MEPE: variants seen among roughly 807,000 people sequenced by gnomAD.
MEPE encodes the protein matrix extracellular phosphoglycoprotein.
In MEPE, 7 loss-of-function variants were observed where a neutral mutation model predicts 7.3. That is an observed-to-expected ratio of 0.95 (90% CI 0.54 to 1.79). The LOEUF (loss-of-function observed/expected upper bound fraction) is 1.79, where lower values mean the gene tolerates loss of function less well. Among genes scored for constraint, MEPE ranks in the 40% most tolerant of loss-of-function variants. The pLI, the probability that MEPE is intolerant of heterozygous loss-of-function variation, is 0.00. For synonymous variants in MEPE, 214 were observed against 213.1 expected, an observed-to-expected ratio of 1.00 and a Z score of -0.04; for missense variants, 623 against 628.2, an observed-to-expected ratio of 0.99 and a Z score of 0.09.
At chr4:87,838,567 G>T in intron 2 of MEPE, 65 bp from the exon 3 acceptor site, 1 of 1,404,314 alleles carries the variant, frequency 7.1e-7, no homozygotes. Context: ...TGAAACATTT[G>T]TTTGAAGAAG....
At chr4:87,843,068 TAG>T (rs1476396516) in intron 3 of MEPE, among the ~76,000 whole-genome samples, 20 of 152,216 alleles carry the variant, frequency 1.3e-4, no homozygotes, top group Non-Finnish European at 2.9e-4. Flanking sequence ...CAGTCCATTT[TAG>T]TTATTAAGGC....
At chr4:87,825,561 C>A (rs929748700) in intron 1 of MEPE, among the ~76,000 whole-genome samples, 3 of 152,230 alleles carry the variant, frequency 2.0e-5, no homozygotes, top group African/African-American at 7.2e-5. Context: ...TTTTGACGAA[C>A]AAGTGGAGAG....
rs1471335692 is a variant in MEPE, at chr4:87,834,688, G to C, written c.-12-15G>C. 2 of 1,607,630 alleles carry C rather than the reference G, an allele frequency of 1.2e-6. No individual in the cohort carries two copies. The highest frequency in any genetic ancestry group is 1.3e-5 in the African/African-American group (1 of 74,672). ...TGGCAATGCTTTGTGGTAAGATATTGTTGTCTTTTTACAGAGATTCTCAAA... is the reference window on the plus strand; with the variant it reads ...TGGCAATGCTTTGTGGTAAGATATTCTTGTCTTTTTACAGAGATTCTCAAA... On this transcript the variant is annotated splice_polypyrimidine_tract_variant and intron_variant, in intron 1 of 3. Coordinates refer to ENST00000361056, the MANE Select transcript of MEPE (RefSeq NM_020203.6).
intron 2 of MEPE, among the ~76,000 whole-genome samples, chr4:87,838,164 A>G (rs1042242616): frequency 7.9e-5 from 12 of 152,202 alleles, no homozygotes; most frequent in Admixed American, 4.6e-4. Context: ...CAGCAGCATC[A>G]TATCTTAATT....
upstream of MEPE, among the ~76,000 whole-genome samples, chr4:87,829,212 C>A (rs988052221): frequency 6.6e-6 from 1 of 151,930 alleles, no homozygotes; most frequent in Non-Finnish European, 1.5e-5. Context: ...AATAGGCTCT[C>A]ATTTTTTTTT....
rs75514522 is a variant in MEPE at position 87,846,250 on chromosome 4, A to C, written c.1382A>C (p.Asn461Thr). The C allele has an allele frequency of 1.5e-4, 249 of 1,614,102 alleles. 2 individuals carry two copies. The East Asian group carries it at 5.1e-3, about 33-fold the overall frequency. The change falls in exon 4 of 4, where the codon AAT (asparagine) becomes ACT (threonine). Residue 461 changes from asparagine to threonine, a missense_variant. Transcript: ENST00000361056. ...MDSFNGPSHE[N>T]IITHGRKYHY... ...TCCTTTAATGGCCCCAGTCATGAGA[A>C]TATAATAACACATGGCAGAAAATAT... is the stretch of plus-strand genomic sequence containing the variant.
Position 87,834,762 on chromosome 4 carries a change from A to G in MEPE, c.48A>G (p.Ala16=), listed in dbSNP as rs1205857093. 6.2e-7 allele frequency: 1 copy of G among 1,611,016 alleles called. No homozygotes were observed. Among genetic ancestry groups the G allele is most frequent in the Non-Finnish European group, 8.5e-7 (1 of 1,178,750 alleles). ...VGLLLFSVTW[A]APTFQPQTEK... is the part of the protein sequence containing the mutation. ...TACTCCTTTTCAGTGTGACCTGGGCAGCACCAGTAAGTATTTACAAATTCA... is the reference window on the plus strand; with the variant it reads ...TACTCCTTTTCAGTGTGACCTGGGCGGCACCAGTAAGTATTTACAAATTCA... Residue 16 remains alanine (A), a synonymous_variant, in exon 2 of 4, where the codon GCA becomes GCG. Transcript: ENST00000361056.
chr4:87,822,479 C>A (rs761355438), intron 1 of MEPE, among the ~76,000 whole-genome samples: 1 of 152,184 alleles, frequency 6.6e-6, no homozygotes, highest in East Asian at 1.9e-4. Flanking sequence ...ACACACCACA[C>A]TTCCACAGAT....
chr4:87,826,557 G>A (rs567376603), intron 1 of MEPE, among the ~76,000 whole-genome samples: 1 of 152,166 alleles, frequency 6.6e-6, no homozygotes, highest in South Asian at 2.1e-4. Context: ...GGTCTTTGAG[G>A]AATTGCCACA....
chr4:87,840,264 A>C (rs58720415), intron 3 of MEPE, among the ~76,000 whole-genome samples: 3,796 of 152,272 alleles, frequency 0.025, 176 homozygotes, highest in African/African-American at 0.086. Flanking sequence ...GGTTGCTCAG[A>C]AGTAAAAGAA....
At position 87,826,212 on chromosome 4, in the gene MEPE, A is replaced by G. The variant is rs144070999; in HGVS notation, c.-13+4741A>G. Among the ~76,000 whole-genome samples, 695 of 140,220 alleles carry G rather than the reference A, an allele frequency of 5.0e-3. 6 individuals carry two copies. The Middle Eastern group carries it at 0.056, about 11-fold the overall frequency. 92.0% of individuals were successfully genotyped at this position (140,220 alleles called of 152,430 possible). On this transcript the variant is annotated intron_variant, in intron 1 of 3. Transcript: ENST00000424957. ...GTTTCTTTATAATAGAATGCTTTAT[A>G]TTCTTTATATTCTTTTTTTTTTTTT...
intron 3 of MEPE, among the ~76,000 whole-genome samples, chr4:87,841,394 T>G (rs1012122379): frequency 2.6e-5 from 4 of 152,200 alleles, no homozygotes; most frequent in African/African-American, 9.6e-5. Flanking sequence ...TTATTTCTAT[T>G]TTTTTCTTAT....
rs114964843 is a variant in MEPE, at chr4:87,833,757, A to C, written c.-13+743A>C. On this transcript the variant is annotated intron_variant, in intron 1 of 3. Coordinates refer to ENST00000361056, the MANE Select transcript of MEPE (RefSeq NM_020203.6). ...AGTTCCTGTTGGTATATTTACCAAA[A>C]TATAAACAAATACCTTTATTTGTAA... 8.3e-3 allele frequency among the ~76,000 whole-genome samples: 1,259 copies of C among 152,326 alleles called. 8 individuals are homozygous for C. Among genetic ancestry groups the C allele is most frequent in the Middle Eastern group, 0.017 (5 of 294 alleles).
chr4:87,844,209 A>C (rs1723119612), intron 3 of MEPE, among the ~76,000 whole-genome samples: 1 of 152,146 alleles, frequency 6.6e-6, no homozygotes, highest in Non-Finnish European at 1.5e-5. Flanking sequence ...TATGCTACAG[A>C]GAAATAGCGA....
chr4:87,821,861 T>A (rs1722345207), intron 1 of MEPE, among the ~76,000 whole-genome samples: 1 of 152,036 alleles, frequency 6.6e-6, no homozygotes, highest in Admixed American at 6.6e-5. Context: ...CTGAGCACCA[T>A]AAAGCTGCAG....
At chr4:87,833,586 A>G (rs1052994897) in intron 1 of MEPE, among the ~76,000 whole-genome samples, 1 of 152,120 alleles carries the variant, frequency 6.6e-6, no homozygotes. Flanking sequence ...GAATATTTAG[A>G]TTATTTTTTC....
Position 87,846,024 on chromosome 4 carries a change from G to A in MEPE, c.1156G>A (p.Gly386Ser). 6.2e-7 allele frequency: 1 copy of A among 1,613,962 alleles called. No homozygotes were observed. Among genetic ancestry groups the A allele is most frequent in the Admixed American group, 1.7e-5 (1 of 59,960 alleles). The change falls in exon 4 of 4, where the codon GGC (glycine) becomes AGC (serine). Residue 386 changes from glycine to serine, a missense_variant. Transcript: ENST00000361056. ...ACCCTCAAAAGAGAAAAGAAAAGAA[G>A]GCAGTAGTGATGCAGCTGAAAGTAC... ...PAPSKEKRKE[G>S]SSDAAESTNY...
At chr4:87,836,092 G>A (rs1722778178) in intron 2 of MEPE, among the ~76,000 whole-genome samples, 1 of 151,938 alleles carries the variant, frequency 6.6e-6, no homozygotes, top group Non-Finnish European at 1.5e-5. Context: ...AGGATGCAGA[G>A]GCAACATTTG....
At chr4:87,826,180 T>C (rs1216935888) in intron 1 of MEPE, among the ~76,000 whole-genome samples, 1 of 152,098 alleles carries the variant, frequency 6.6e-6, no homozygotes, top group Non-Finnish European at 1.5e-5. Context: ...TAAACATACA[T>C]GTGCATGTTT....
Sources: allele counts gnomAD v4.1 joint callset (sites outside exome capture counted in the v4.1 genomes callset), GRCh38; gene constraint gnomAD v4.1.1; transcripts MANE v1.5; gene names NCBI Gene and HGNC (gene_info 2026-07-23, HGNC 2026-07-21).